Variants in SLC22A14 observed in about 807,000 individuals in gnomAD.
SLC22A14 encodes the protein organic cation transporter-like 4.
Under a neutral mutation model 53.9 loss-of-function variants are expected in SLC22A14, and 50 were observed. The observed-to-expected ratio is 0.93, with a 90% CI of 0.74 to 1.17. The LOEUF (loss-of-function observed/expected upper bound fraction) is 1.17. Among genes scored for constraint, SLC22A14 ranks in the 50% most tolerant of loss-of-function variants. The probability of loss-of-function intolerance (pLI) is 0.00; values close to 1 mark genes in which losing one functional copy is unlikely to be tolerated. For synonymous variants in SLC22A14, 312 were observed against 303.0 expected (o/e 1.03, Z -0.31); for missense variants, 671 against 734.7 (o/e 0.91, Z 1.00).
chr3:38,313,895 C>A lies in SLC22A14; in HGVS notation c.1332C>A (p.Leu444=). The A allele has an allele frequency of 6.2e-7, 1 of 1,614,028 alleles. No homozygotes were observed. The highest frequency in any genetic ancestry group is 2.2e-5 in the East Asian group (1 of 44,866). Residue 444 remains leucine, a synonymous_variant, in exon 8 of 11, where the codon CTC becomes CTA. Transcript: ENST00000448498. ...GGAAGTGGAGCCTGGCTGTGACTCTCCTCCAAGCCATCATCTGGTGCTTGC... is the reference window on the plus strand; with the variant it reads ...GGAAGTGGAGCCTGGCTGTGACTCTACTCCAAGCCATCATCTGGTGCTTGC... ...IGRKWSLAVT[L]LQAIIWCLLL...
intron 1 of SLC22A14, chr3:38,305,799 T>C (rs913951258): frequency 3.6e-6 from 2 of 548,460 alleles, no homozygotes; most frequent in Non-Finnish European, 6.4e-6. Context: ...CAGCATTTTC[T>C]AAAACATTAA....
At chr3:38,302,303 T>A (rs1704182616) in intron 1 of SLC22A14, among the ~76,000 whole-genome samples, 1 of 144,728 alleles carries the variant, frequency 6.9e-6, no homozygotes. Flanking sequence ...TATATACACA[T>A]ATATATTTAT....
Position 38,306,149 on chromosome 3 carries a change from G to A in SLC22A14, c.123G>A (p.Leu41=). ...SWSLEMLLRR[L]RAVHTKQDDK... Reference sequence around the variant, plus strand: ...CTCTGGAGATGCTGTTACGCAGATTGAGGGCTGTCCACACCAAGCAGGATG... The same window carrying A: ...CTCTGGAGATGCTGTTACGCAGATTAAGGGCTGTCCACACCAAGCAGGATG... Residue 41 remains leucine, a synonymous_variant, in exon 2 of 11, where the codon TTG becomes TTA. Transcript: ENST00000448498. 5.0e-6 allele frequency: 8 copies of A among 1,614,174 alleles called. No homozygotes were observed. Among genetic ancestry groups the A allele is most frequent in the African/African-American group, 1.3e-5 (1 of 75,054 alleles).
chr3:38,292,352 G>A (rs1472436070), intron 1 of SLC22A14, among the ~76,000 whole-genome samples: 1 of 152,150 alleles, frequency 6.6e-6, no homozygotes. Flanking sequence ...GCAGAAAAAG[G>A]CATCCTTAAG....
At chr3:38,289,792 C>T (rs2125872834) in intron 1 of SLC22A14, among the ~76,000 whole-genome samples, 1 of 152,310 alleles carries the variant, frequency 6.6e-6, no homozygotes, top group Non-Finnish European at 1.5e-5. Flanking sequence ...CGACAAACAG[C>T]AGTGGTGGAC....
At chr3:38,301,735 T>A (rs996478044) in intron 1 of SLC22A14, among the ~76,000 whole-genome samples, 1 of 149,502 alleles carries the variant, frequency 6.7e-6, no homozygotes, top group African/African-American at 2.5e-5. Context: ...CTTTTAATGT[T>A]TCCTTTTTAG....
intron 1 of SLC22A14, among the ~76,000 whole-genome samples, chr3:38,286,421 CTTT>C (rs781513917): frequency 1.4e-5 from 2 of 141,666 alleles, no homozygotes; most frequent in African/African-American, 2.6e-5. Flanking sequence ...CTTTTCTTTT[CTTT>C]TTTTTTTTTT....
At chr3:38,298,499 C>T (rs973505876) in intron 1 of SLC22A14, among the ~76,000 whole-genome samples, 4 of 151,860 alleles carry the variant, frequency 2.6e-5, no homozygotes, top group Non-Finnish European at 5.9e-5. Context: ...TGAGTTCATT[C>T]TGGTACCTTT....
intron 1 of SLC22A14, among the ~76,000 whole-genome samples, chr3:38,287,487 A>G (rs1431326126): frequency 6.6e-6 from 1 of 152,150 alleles, no homozygotes; most frequent in Non-Finnish European, 1.5e-5. Flanking sequence ...TCTAATTTTA[A>G]TTTATTTTTC....
chr3:38,306,025 A>C lies in SLC22A14; in HGVS notation c.1-2A>C. The C allele has an allele frequency of 4.4e-6, 7 of 1,606,686 alleles. No homozygotes were observed. The highest frequency in any genetic ancestry group is 5.1e-6 in the Non-Finnish European group (6 of 1,175,600). ...ACTGAGCTGCACCCTTTCTTTGGAC[A>C]GATGGCAGGAGAGGAGAACTTCAAG... On this transcript the variant is annotated splice_acceptor_variant, in intron 1 of 10. Transcript: ENST00000448498. LOFTEE classifies it low-confidence loss of function (5UTR_SPLICE).
In SLC22A14 at chr3:38,313,910, C is replaced by G; in HGVS notation, c.1347C>G (p.Ile449Met). 6.2e-7 allele frequency: 1 copy of G among 1,613,974 alleles called. No individual in the cohort carries two copies. Among genetic ancestry groups the G allele is most frequent in the Non-Finnish European group, 8.5e-7 (1 of 1,179,970 alleles). Residue 449 changes from isoleucine to methionine, a missense_variant, in exon 8 of 11, where the codon ATC (isoleucine) becomes ATG (methionine). Coordinates refer to ENST00000448498, the MANE Select transcript of SLC22A14 (RefSeq NM_001320033.2). The part of the protein sequence containing the change: ...SLAVTLLQAI[I>M]WCLLLLFLPE... ...CTGTGACTCTCCTCCAAGCCATCAT[C>G]TGGTGCTTGCTTCTCCTTTTCCTCC... is the stretch of plus-strand genomic sequence containing the variant.
rs1704550740 is a variant in SLC22A14, at chr3:38,313,784, G to A, written c.1221G>A (p.Val407=). ...GCCTGAGAATGAGAGAGCTGGGCGTGAGCGTCCACTTCAGACACGTGGTCC... is the reference window on the plus strand; with the variant it reads ...GCCTGAGAATGAGAGAGCTGGGCGTAAGCGTCCACTTCAGACACGTGGTCC... ...TLSLRMRELG[V]SVHFRHVVPS... The change falls in exon 8 of 11, where the codon GTG becomes GTA. Residue 407 remains valine (V), a synonymous_variant. Transcript: ENST00000448498. 1.2e-6 allele frequency: 2 copies of A among 1,607,036 alleles called. No homozygotes were observed. The highest frequency in any genetic ancestry group is 1.4e-5 in the African/African-American group (1 of 73,854).
chr3:38,304,797 T>C (rs1425729980), intron 1 of SLC22A14, among the ~76,000 whole-genome samples: 1 of 152,226 alleles, frequency 6.6e-6, no homozygotes, highest in Non-Finnish European at 1.5e-5. Flanking sequence ...TTATCGTGCC[T>C]AAGTTACATT....
rs560872538 is a variant in SLC22A14, at chr3:38,290,499, G to A, written c.-1+8160G>A. 6.6e-5 allele frequency among the ~76,000 whole-genome samples: 10 copies of A among 152,194 alleles called. 1 individual carries two copies. In the South Asian group the frequency reaches 2.1e-3, roughly 32 times the overall value. On this transcript the variant is annotated intron_variant, in intron 1 of 10. Coordinates refer to ENST00000448498, the MANE Select transcript of SLC22A14 (RefSeq NM_001320033.2). ...GAAATGTATGGCCTGCAGTGTAGGG[G>A]ATTATTTCTTTGGCACACTTTACAG...
chr3:38,300,043 C>T (rs1704126307), intron 1 of SLC22A14, among the ~76,000 whole-genome samples: 1 of 152,162 alleles, frequency 6.6e-6, no homozygotes, highest in Non-Finnish European at 1.5e-5. Flanking sequence ...AGTGGGATTG[C>T]TAAATTAAAA....
At chr3:38,298,335 T>A (rs910863019) in intron 1 of SLC22A14, among the ~76,000 whole-genome samples, 1 of 152,238 alleles carries the variant, frequency 6.6e-6, no homozygotes, top group South Asian at 2.1e-4. Context: ...GGAACCAATA[T>A]CTGAGTACTA....
chr3:38,289,209 C>CA (rs1364963374), intron 1 of SLC22A14, among the ~76,000 whole-genome samples: 89 of 138,044 alleles, frequency 6.4e-4, no homozygotes, highest in Non-Finnish European at 1.2e-3. Context: ...AAAAAAATTG[C>CA]AAAAAAATGA....
At chr3:38,317,567 G>A (rs1017980787) in intron 10 of SLC22A14, among the ~76,000 whole-genome samples, 7 of 152,176 alleles carry the variant, frequency 4.6e-5, no homozygotes, top group Admixed American at 6.5e-5. Flanking sequence ...AGCGCCGCAC[G>A]GGAAGAGAGG....
intron 1 of SLC22A14, 66 bp downstream of exon 1, chr3:38,282,405 A>G (rs1171263814): frequency 6.6e-6 from 1 of 152,432 alleles, no homozygotes; most frequent in East Asian, 1.9e-4. Flanking sequence ...TGTGGAGAGT[A>G]GAAATTATGA....
Sources: gnomAD v4.1 joint callset for allele counts (sites outside exome capture counted in the v4.1 genomes callset) on GRCh38, gnomAD v4.1.1 for gene constraint, MANE v1.5 for transcripts, NCBI Gene and HGNC (gene_info 2026-07-23, HGNC 2026-07-21) for gene names.